The following GARRE1 variants were observed in gnomAD, a reference collection of about 807,000 sequenced individuals.
GARRE1 encodes the protein granule associated Rac and RHOG effector protein 1.
GARRE1 carries 49 observed loss-of-function variants against 103.2 expected under a neutral mutation model. The observed-to-expected ratio is 0.47, with a 90% confidence interval of 0.38 to 0.60. GARRE1 has a LOEUF of 0.60. Ranked by LOEUF, GARRE1 falls within the 20% of genes least tolerant of loss-of-function variation. GARRE1 has a pLI of 0.00. For missense variants in GARRE1, 1,199 were observed against 1,370.5 expected, an observed-to-expected ratio of 0.87 and a Z score of 1.98; for synonymous variants, 505 against 532.8, an observed-to-expected ratio of 0.95 and a Z score of 0.72.
chr19:34,300,947 A>G lies in GARRE1; in HGVS notation c.474A>G (p.Glu158=), dbSNP rs757616651. The part of the protein sequence containing the change: ...AGAANFTDQK[E]FSLQDIEVLG... ...CTGCAAATTTTACGGATCAGAAGGA[A>G]TTCAGTCTCCAGGACATTGAGGTAG... The change falls in exon 2 of 14, where the codon GAA becomes GAG. Residue 158 remains glutamate (E), a synonymous_variant. Coordinates refer to ENST00000299505, the MANE Select transcript of GARRE1 (RefSeq NM_014686.5). The G allele has an allele frequency of 3.7e-6, 6 of 1,602,028 alleles. No homozygotes were observed. In the East Asian group the frequency reaches 1.1e-4, roughly 30 times the overall value.
chr19:34,346,318 G>A (rs2074210692), intron 10 of GARRE1, among the ~76,000 whole-genome samples: 2 of 151,828 alleles, frequency 1.3e-5, no homozygotes, highest in Non-Finnish European at 2.9e-5. Flanking sequence ...CATTTGTACT[G>A]CCCTGTATAT....
intron 2 of GARRE1, among the ~76,000 whole-genome samples, chr19:34,313,139 A>G (rs773776940): frequency 5.0e-4 from 76 of 152,152 alleles, no homozygotes; most frequent in Admixed American, 2.9e-3. Flanking sequence ...GGATAGTTGC[A>G]TACACAAATC....
At position 34,300,791 on chromosome 19, in the gene GARRE1, G is replaced by A. The variant is rs1413977851; in HGVS notation, c.318G>A (p.Arg106=). The change falls in exon 2 of 14, where the codon AGG becomes AGA. Residue 106 remains arginine (R), a synonymous_variant. Coordinates refer to ENST00000299505, the MANE Select transcript of GARRE1 (RefSeq NM_014686.5). The stretch of plus-strand genomic sequence containing the variant: ...CAGATCTCTTCAGCACTGTGTTCAG[G>A]AACTCTCACTACTCAAAGGCAGCCA... The part of the protein sequence containing the change: ...FLTDLFSTVF[R]NSHYSKAATQ... 2 of 1,614,096 alleles carry A rather than the reference G, an allele frequency of 1.2e-6. No individual in the cohort carries two copies. Among genetic ancestry groups the A allele is most frequent in the African/African-American group, 2.7e-5 (2 of 74,950 alleles).
In GARRE1 at chr19:34,296,280, T is replaced by C. The variant is rs918554392; in HGVS notation, c.-795-3399T>C. 1.7e-5 allele frequency: 12 copies of C among 696,258 alleles called. No homozygotes were observed. In the African/African-American group the frequency reaches 1.8e-4, roughly 10 times the overall value. 43.1% of individuals were successfully genotyped at this position (696,258 alleles called of 1,614,324 possible). ...CACATTTGTAGACAGAGATATCTAC[T>C]CTGAAGCCTTTGTAGGGGCCTGGGC... On this transcript the variant is annotated intron_variant, in intron 1 of 13. Transcript: ENST00000299505.
chr19:34,311,089 C>T (rs896602477), intron 2 of GARRE1, among the ~76,000 whole-genome samples: 8 of 152,178 alleles, frequency 5.3e-5, no homozygotes, highest in African/African-American at 1.9e-4. Flanking sequence ...AACTCCTGGG[C>T]TCAAGCAATC....
chr19:34,340,697 A>G (rs1490829945), intron 9 of GARRE1, among the ~76,000 whole-genome samples: 2 of 151,584 alleles, frequency 1.3e-5, no homozygotes, highest in Admixed American at 1.3e-4. Flanking sequence ...TAATTTTTGT[A>G]TTTTTCATGA....
intron 2 of GARRE1, among the ~76,000 whole-genome samples, chr19:34,304,436 C>T (rs995496204): frequency 6.3e-5 from 9 of 143,274 alleles, no homozygotes; most frequent in African/African-American, 1.1e-4. Context: ...AGTGCAGTGG[C>T]GTGGTCTTGG....
intron 2 of GARRE1, among the ~76,000 whole-genome samples, chr19:34,318,459 G>A (rs1410139181): frequency 2.6e-5 from 4 of 152,230 alleles, no homozygotes; most frequent in Non-Finnish European, 4.4e-5. Context: ...GCTGAGGGCC[G>A]GCTGTGAGTA....
chr19:34,307,735 C>G (rs1242578932), intron 2 of GARRE1, among the ~76,000 whole-genome samples: 1,341 of 98,142 alleles, frequency 0.014, 5 homozygotes, highest in Non-Finnish European at 0.025. Context: ...TACATATATA[C>G]TTATATATAC....
chr19:34,315,431 G>C (rs2074055452), intron 2 of GARRE1, among the ~76,000 whole-genome samples: 1 of 152,212 alleles, frequency 6.6e-6, no homozygotes, highest in Non-Finnish European at 1.5e-5. Flanking sequence ...GGTGGTCTTG[G>C]CTGGGCGCAG....
At chr19:34,268,486 T>G (rs1335573678) in intron 1 of GARRE1, among the ~76,000 whole-genome samples, 1 of 152,198 alleles carries the variant, frequency 6.6e-6, no homozygotes, top group Non-Finnish European at 1.5e-5. Context: ...TTTGTTTTGT[T>G]TTGATGGCAG....
chr19:34,333,314 T>TAC (rs1161080648), intron 7 of GARRE1, among the ~76,000 whole-genome samples: 1 of 152,240 alleles, frequency 6.6e-6, no homozygotes, highest in Non-Finnish European at 1.5e-5. Context: ...GTGCTGGGAT[T>TAC]ACAGGCGTGA....
At chr19:34,296,284 A>G in intron 1 of GARRE1, 1 of 700,374 alleles carries the variant, frequency 1.4e-6, no homozygotes, top group Non-Finnish European at 2.5e-6. Context: ...ATCTACTCTG[A>G]AGCCTTTGTA....
chr19:34,343,800 T>C (rs1005558648), intron 10 of GARRE1, among the ~76,000 whole-genome samples: 1 of 152,128 alleles, frequency 6.6e-6, no homozygotes, highest in African/African-American at 2.4e-5. Context: ...TGAGCCATGA[T>C]CACACCACAG....
At chr19:34,256,880 T>C (rs1408409930) in intron 1 of GARRE1, among the ~76,000 whole-genome samples, 1 of 152,190 alleles carries the variant, frequency 6.6e-6, no homozygotes, top group African/African-American at 2.4e-5. Flanking sequence ...ATTTCATGTT[T>C]GAGATTTTTT....
At chr19:34,268,018 C>T (rs560281886) in intron 1 of GARRE1, among the ~76,000 whole-genome samples, 17 of 151,346 alleles carry the variant, frequency 1.1e-4, no homozygotes, top group South Asian at 2.1e-4. Flanking sequence ...GTGATCCACC[C>T]GCCTTGGCCT....
intron 1 of GARRE1, among the ~76,000 whole-genome samples, chr19:34,260,373 T>G (rs954017393): frequency 1.3e-5 from 2 of 152,250 alleles, no homozygotes; most frequent in African/African-American, 4.8e-5. Flanking sequence ...AAACATCATG[T>G]GACTTGCTTC....
intron 2 of GARRE1, among the ~76,000 whole-genome samples, chr19:34,304,936 C>T (rs894435955): frequency 1.3e-5 from 2 of 151,614 alleles, no homozygotes; most frequent in Non-Finnish European, 2.9e-5. Context: ...GGACTGCAGG[C>T]GCCCGCCACC....
At chr19:34,254,789 C>G (rs1462776032) in intron 1 of GARRE1, among the ~76,000 whole-genome samples, 175 bp downstream of exon 1, 1 of 149,228 alleles carries the variant, frequency 6.7e-6, no homozygotes, top group African/African-American at 2.4e-5. Context: ...CCTTGCCCGC[C>G]CGCTGTGGAG....
Sources: allele counts gnomAD v4.1 joint callset (sites outside exome capture counted in the v4.1 genomes callset), GRCh38; gene constraint gnomAD v4.1.1; transcripts MANE v1.5; gene names NCBI Gene and HGNC (gene_info 2026-07-23, HGNC 2026-07-21).